ZFYVE26: variants seen among roughly 807,000 people sequenced by gnomAD.
ZFYVE26 encodes zinc finger FYVE domain-containing protein 26.
ZFYVE26 carries 181 observed loss-of-function variants against 276.5 expected under a neutral mutation model. The observed-to-expected ratio is 0.65, with a 90% CI of 0.58 to 0.74. ZFYVE26 has a LOEUF of 0.74. ZFYVE26 is among the 30% of genes least tolerant of loss of function. The probability of loss-of-function intolerance (pLI) is 0.00; values close to 1 mark genes in which losing one functional copy is unlikely to be tolerated. For synonymous variants in ZFYVE26, 1,129 were observed against 1,203.1 expected, an observed-to-expected ratio of 0.94 and a Z score of 1.27; for missense variants, 2,821 against 3,097.9, an observed-to-expected ratio of 0.91 and a Z score of 2.12.
In ZFYVE26 at chr14:67,798,606, G is replaced by T. The variant is rs777389335; in HGVS notation, c.1656C>A (p.Phe552Leu). 4 of 1,613,944 alleles carry T rather than the reference G, an allele frequency of 2.5e-6. No homozygotes were observed. Among genetic ancestry groups the T allele is most frequent in the Non-Finnish European group, 3.4e-6 (4 of 1,180,024 alleles). ...SLSSPGAANL[F>L]STYLARCQQY... ...GTTGACACCTGGCCAGGTAAGTTGA[G>T]AAGAGATTTGCAGCACCTACAAAAA... Residue 552 changes from phenylalanine (F) to leucine (L), a missense_variant, in exon 11 of 42, where the codon TTC becomes TTA. Physicochemically the swap from Phe to Leu is conservative, Grantham distance 22. Coordinates refer to ENST00000347230, the MANE Select transcript of ZFYVE26 (RefSeq NM_015346.4).
intron 27 of ZFYVE26, among the ~76,000 whole-genome samples, chr14:67,772,597 TA>T (rs1333185494): frequency 1.3e-5 from 2 of 151,444 alleles, no homozygotes; most frequent in African/African-American, 4.9e-5. Context: ...AAAAAAGAGG[TA>T]GGGGGGATAA....
At position 67,766,096 on chromosome 14, in the gene ZFYVE26, C is replaced by T. The variant is rs1397442373; in HGVS notation, c.6011+131G>A. ...TGGCAACACCGTTTCATCAACATTA[C>T]ACAGATGAAAAATCTTTCAGCATGT... On this transcript the variant is annotated intron_variant, in intron 32 of 41. Coordinates refer to ENST00000347230, the MANE Select transcript of ZFYVE26 (RefSeq NM_015346.4). 7 of 917,716 alleles carry T rather than the reference C, an allele frequency of 7.6e-6. No homozygotes were observed. In the African/African-American group the frequency reaches 1.1e-4, roughly 15 times the overall value. The allele number at this position is 917,716 out of a possible 1,614,324, so 56.8% of individuals were successfully genotyped here. A position where few individuals can be genotyped will look rare whatever the true frequency, so the allele number is the denominator to read the frequency against.
In ZFYVE26 at chr14:67,810,309, T is replaced by G. The variant is rs1405576891; in HGVS notation, c.274-1020A>C. ...TATGGCCCACATGATCCTCTTTTGG[T>G]CCAAACCTCTGTTTTTGTCATTCAC... On this transcript the variant is annotated intron_variant, in intron 3 of 41. Coordinates refer to ENST00000347230, the MANE Select transcript of ZFYVE26 (RefSeq NM_015346.4). 2.6e-5 allele frequency among the ~76,000 whole-genome samples: 4 copies of G among 152,252 alleles called. No individual in the cohort carries two copies. The East Asian group carries it at 7.7e-4, about 29-fold the overall frequency.
downstream of ZFYVE26, among the ~76,000 whole-genome samples, chr14:67,743,761 G>A (rs2038448440): frequency 6.6e-6 from 1 of 152,114 alleles, no homozygotes; most frequent in Non-Finnish European, 1.5e-5. Context: ...TTGTATGGGA[G>A]AGTATGAGTG....
rs1482288359 is a variant in ZFYVE26 at position 67,766,001 on chromosome 14, T to C, written c.6011+226A>G. On this transcript the variant is annotated intron_variant, in intron 32 of 41. Coordinates refer to ENST00000347230, the MANE Select transcript of ZFYVE26 (RefSeq NM_015346.4). ...CTGGTATAGCTAGAGTAAACTCTGCTTTGAGGGTCTGCTCTGAAAAAGAAA... is the reference window on the plus strand; with the variant it reads ...CTGGTATAGCTAGAGTAAACTCTGCCTTGAGGGTCTGCTCTGAAAAAGAAA... Among the ~76,000 whole-genome samples the C allele has an allele frequency of 5.9e-5, 9 of 152,226 alleles. 1 individual carries two copies. The highest frequency in any genetic ancestry group is 1.2e-4 in the Non-Finnish European group (8 of 68,042).
chr14:67,785,083 G>A lies in ZFYVE26; in HGVS notation c.3499C>T (p.Leu1167Phe), dbSNP rs763272323. 1 of 1,614,184 alleles carries A rather than the reference G, an allele frequency of 6.2e-7. No homozygotes were observed. The highest frequency in any genetic ancestry group is 8.5e-7 in the Non-Finnish European group (1 of 1,180,030). Reference protein sequence around the residue: ...SYCSTLAAVLLQSLSSEPDHV... With the variant: ...SYCSTLAAVLFQSLSSEPDHV... ...CCAGGCTCAGAGCTCAAACTTTGAAGGAGAACTGCAGCAAGGGTGCTGCAG... is the reference window on the plus strand; with the variant it reads ...CCAGGCTCAGAGCTCAAACTTTGAAAGAGAACTGCAGCAAGGGTGCTGCAG... Residue 1167 changes from leucine to phenylalanine, a missense_variant, in exon 19 of 42, where the codon CTT (leucine) becomes TTT (phenylalanine). Coordinates refer to ENST00000347230, the MANE Select transcript of ZFYVE26 (RefSeq NM_015346.4).
Position 67,805,603 on chromosome 14 carries a change from A to G in ZFYVE26, c.1033T>C (p.Leu345=). 6.2e-7 allele frequency: 1 copy of G among 1,614,052 alleles called. No homozygotes were observed. Among genetic ancestry groups the G allele is most frequent in the Non-Finnish European group, 8.5e-7 (1 of 1,180,012 alleles). Reference sequence around the variant, plus strand: ...TTTGGGAAGTCTTCTTCTTTCAACAATGTTAGTGCTGTTACCTGTAAGTCA... The same window carrying G: ...TTTGGGAAGTCTTCTTCTTTCAACAGTGTTAGTGCTGTTACCTGTAAGTCA... ...LEQILVTALT[L]LKEEDFPNLG... is the part of the protein sequence containing the mutation. Residue 345 remains leucine, a synonymous_variant, in exon 7 of 42, where the codon TTG becomes CTG. Transcript: ENST00000347230.
chr14:67,783,207 T>G lies in ZFYVE26; in HGVS notation c.3945A>C (p.Leu1315=). ...LAFLKSRSKL[L]ATVACLGASP... is the part of the protein sequence containing the mutation. Reference sequence around the variant, plus strand: ...AAGCCCCCAGGCAGGCCACCGTAGCTAGGAGCTTTGAGCGTGACTTAAGAA... The same window carrying G: ...AAGCCCCCAGGCAGGCCACCGTAGCGAGGAGCTTTGAGCGTGACTTAAGAA... Residue 1315 remains leucine, a synonymous_variant, in exon 21 of 42, where the codon CTA becomes CTC. Transcript: ENST00000347230. 1 of 1,613,174 alleles carries G rather than the reference T, an allele frequency of 6.2e-7. No individual in the cohort carries two copies. Among genetic ancestry groups the G allele is most frequent in the Non-Finnish European group, 8.5e-7 (1 of 1,179,308 alleles).
chr14:67,804,743 T>C (rs1052230929), intron 8 of ZFYVE26, among the ~76,000 whole-genome samples: 1 of 152,220 alleles, frequency 6.6e-6, no homozygotes, highest in Non-Finnish European at 1.5e-5. Context: ...TAAGCATTTG[T>C]TGAATAAAAG....
intron 22 of ZFYVE26, among the ~76,000 whole-genome samples, chr14:67,781,066 C>G (rs979503096): frequency 6.6e-6 from 1 of 152,112 alleles, no homozygotes; most frequent in Non-Finnish European, 1.5e-5. Context: ...GTGAAAAAGC[C>G]TTTTTGGACT....
intron 35 of ZFYVE26, chr14:67,756,476 A>G: frequency 5.3e-6 from 2 of 375,984 alleles, no homozygotes; most frequent in East Asian, 1.2e-4. Flanking sequence ...AGTGACCACT[A>G]AACTGTAAAT....
chr14:67,748,263 C>T lies in ZFYVE26; in HGVS notation c.*173G>A, dbSNP rs1489705822. 6 of 673,996 alleles carry T rather than the reference C, an allele frequency of 8.9e-6. No individual in the cohort carries two copies. Among genetic ancestry groups the T allele is most frequent in the East Asian group, 5.5e-5 (2 of 36,620 alleles). The allele number at this position is 673,996 out of a possible 1,614,324, so 41.8% of individuals were successfully genotyped here. A position where few individuals can be genotyped will look rare whatever the true frequency, so the allele number is the denominator to read the frequency against. ...CAATTTTAGAGAAACATGGCACTTG[C>T]GTGAAAGGTCCTATCCTTGCCCGGG... On this transcript the variant is annotated 3_prime_UTR_variant, in exon 42 of 42. Transcript: ENST00000347230.
At chr14:67,739,549 T>C (rs2038391699) in intron 13 of ZFYVE26, among the ~76,000 whole-genome samples, 1 of 152,134 alleles carries the variant, frequency 6.6e-6, no homozygotes, top group Non-Finnish European at 1.5e-5. Context: ...CCATTACTGC[T>C]AGTCCAAGGC....
At chr14:67,790,799 G>A (rs1294986737) in intron 14 of ZFYVE26, 26 bp from the exon 15 acceptor site, 3 of 1,605,444 alleles carry the variant, frequency 1.9e-6, no homozygotes, top group Non-Finnish European at 2.6e-6. Context: ...GAGTGTGTGG[G>A]CCCTGGTGGT....
At chr14:67,810,026 C>T (rs951021387) in intron 3 of ZFYVE26, among the ~76,000 whole-genome samples, 5 of 151,972 alleles carry the variant, frequency 3.3e-5, no homozygotes, top group Non-Finnish European at 5.9e-5. Context: ...CCTCGTGATC[C>T]GCCTGCCTCG....
In ZFYVE26 at chr14:67,762,282, T is replaced by C. The variant is rs745876067; in HGVS notation, c.6290A>G (p.Asn2097Ser). ...CAGCCTTGAGCCATGATTCAGCTGA[T>C]TGAGGTCAAATGGGGGCTTCAGACA... Reference protein sequence around the residue: ...SRCLKPPFDLNQLNHGSRLVQ... With the variant: ...SRCLKPPFDLSQLNHGSRLVQ... The change falls in exon 34 of 42, where the codon AAT becomes AGT. Residue 2097 changes from asparagine (N) to serine (S), a missense_variant. Coordinates refer to ENST00000347230, the MANE Select transcript of ZFYVE26 (RefSeq NM_015346.4). The C allele has an allele frequency of 1.1e-5, 17 of 1,614,042 alleles. No homozygotes were observed. The highest frequency in any genetic ancestry group is 5.0e-5 in the Admixed American group (3 of 60,000).
rs998755244 is a variant in ZFYVE26, at chr14:67,778,153, T to A, written c.4770A>T (p.Glu1590Asp). The change falls in exon 24 of 42, where the codon GAA becomes GAT. Residue 1590 changes from glutamate (E) to aspartate (D), a missense_variant. Transcript: ENST00000347230. ...GCAGAGCCTTGTCATGATCTCTTCT[T>A]TCTAGAAGGTGGAGAAGATGCTTTT... ...LHQKHLLHLL[E>D]RRDHDKALQL... 6.2e-7 allele frequency: 1 copy of A among 1,614,046 alleles called. No individual in the cohort carries two copies. The highest frequency in any genetic ancestry group is 1.3e-5 in the African/African-American group (1 of 74,924).
At chr14:67,745,740 G>A (rs185036658), downstream of ZFYVE26, among the ~76,000 whole-genome samples, 173 of 151,780 alleles carry the variant, frequency 1.1e-3, no homozygotes, top group Non-Finnish European at 1.8e-3. Flanking sequence ...ATTTTAGAGG[G>A]CTGGGGCACA....
chr14:67,805,692 G>C (rs986483454), intron 6 of ZFYVE26, 74 bp from the exon 7 acceptor site: 27 of 1,528,816 alleles, frequency 1.8e-5, no homozygotes, highest in Non-Finnish European at 2.2e-5. Flanking sequence ...CTGCTCTTTA[G>C]AGAAAGAAGT....
Sources: allele counts gnomAD v4.1 joint callset (sites outside exome capture counted in the v4.1 genomes callset), GRCh38; gene constraint gnomAD v4.1.1; transcripts MANE v1.5; gene names NCBI Gene and HGNC (gene_info 2026-07-23, HGNC 2026-07-21).